The following WWOX variants were observed in gnomAD, a reference collection of about 807,000 sequenced individuals.
WWOX encodes WW domain containing oxidoreductase.
A neutral mutation model predicts 46.2 loss-of-function variants in WWOX; 69 were observed. The observed-to-expected ratio is 1.49, with a 90% CI of 1.23 to 1.82. The LOEUF (loss-of-function observed/expected upper bound fraction) is 1.82. Among genes scored for constraint, WWOX ranks in the 40% most tolerant of loss-of-function variants. The pLI is 0.00. For missense variants in WWOX, 919 were observed against 542.6 expected (o/e 1.69, Z -6.89); for synonymous variants, 359 against 202.6 (o/e 1.77, Z -6.56).
rs118098782 is a variant in WWOX, at chr16:79,011,683, A to G, written c.1057-199925A>G. Among the ~76,000 whole-genome samples the G allele has an allele frequency of 1.9e-3, 288 of 151,430 alleles. 5 individuals are homozygous for G. In the East Asian group the frequency reaches 0.054, roughly 28 times the overall value. On this transcript the variant is annotated intron_variant, in intron 8 of 8. Transcript: ENST00000566780. ...ATTTTTTTTGCATTTTTTAGAGATG[A>G]GTTTTTGCCGTGTTGCCGAGGCTGG...
chr16:78,368,239 G>A (rs2081586363), intron 5 of WWOX, among the ~76,000 whole-genome samples: 1 of 152,188 alleles, frequency 6.6e-6, no homozygotes, highest in Non-Finnish European at 1.5e-5. Context: ...CAATTAACAT[G>A]AGTGGAATGG....
intron 8 of WWOX, among the ~76,000 whole-genome samples, chr16:78,639,802 G>T (rs921332675): frequency 1.3e-5 from 2 of 152,116 alleles, no homozygotes; most frequent in African/African-American, 2.4e-5. Context: ...CTGACCTCAG[G>T]TGATCCACCT....
At chr16:78,894,626 G>A (rs2044661615) in intron 8 of WWOX, among the ~76,000 whole-genome samples, 1 of 152,132 alleles carries the variant, frequency 6.6e-6, no homozygotes, top group Admixed American at 6.6e-5. Context: ...TGTCGAGGGA[G>A]CAAGGTGGTA....
chr16:78,644,804 T>C (rs1208440468), intron 8 of WWOX, among the ~76,000 whole-genome samples: 1 of 152,190 alleles, frequency 6.6e-6, no homozygotes, highest in Non-Finnish European at 1.5e-5. Context: ...ATTTCGTGAC[T>C]ATTATGAGTC....
At chr16:79,064,458 A>C (rs2150554196) in intron 8 of WWOX, among the ~76,000 whole-genome samples, 1 of 152,294 alleles carries the variant, frequency 6.6e-6, no homozygotes, top group South Asian at 2.1e-4. Flanking sequence ...CACCTGCAGA[A>C]CCCATGCGTC....
intron 8 of WWOX, among the ~76,000 whole-genome samples, chr16:78,653,779 G>A (rs1432405701): frequency 3.3e-5 from 5 of 152,194 alleles, no homozygotes; most frequent in Admixed American, 3.3e-4. Flanking sequence ...TTAGTTTGGT[G>A]CAAAAGGAAT....
rs34551316 is a variant in WWOX, at chr16:78,106,421, G to GTT, written c.108-1985_108-1984dup. ...CAGAGAGTCAGAACGGTTTTTTTTT[G>GTT]TTTTTTTTTTTTTTTTTTGAGATGG... is the stretch of plus-strand genomic sequence containing the variant. On this transcript the variant is annotated intron_variant, in intron 1 of 8. Transcript: ENST00000566780. Among the ~76,000 whole-genome samples, 100 of 122,978 alleles carry GTT rather than the reference G, an allele frequency of 8.1e-4. 3 individuals carry two copies. The highest frequency in any genetic ancestry group is 4.2e-3 in the Middle Eastern group (1 of 238). The allele number at this position is 122,978 out of a possible 152,430, so 80.7% of individuals were successfully genotyped here. A position where few individuals can be genotyped will look rare whatever the true frequency, so the allele number is the denominator to read the frequency against.
chr16:78,395,996 G>C (rs751520750), intron 6 of WWOX, among the ~76,000 whole-genome samples: 2 of 152,104 alleles, frequency 1.3e-5, no homozygotes, highest in Non-Finnish European at 2.9e-5. Context: ...GCAAATACTA[G>C]GAATCCTTAA....
intron 5 of WWOX, among the ~76,000 whole-genome samples, chr16:78,286,801 G>C (rs867663121): frequency 7.1e-5 from 10 of 140,774 alleles, no homozygotes; most frequent in African/African-American, 2.7e-4. Context: ...GAGTATCATA[G>C]AAAAGTTAAA....
chr16:78,688,638 G>T (rs917792308), intron 8 of WWOX, among the ~76,000 whole-genome samples: 4 of 152,138 alleles, frequency 2.6e-5, no homozygotes, highest in African/African-American at 9.7e-5. Flanking sequence ...TCCCCCAAGG[G>T]ATAATTGATA....
At chr16:78,724,371 A>C (rs567999919) in intron 8 of WWOX, among the ~76,000 whole-genome samples, 1 of 152,302 alleles carries the variant, frequency 6.6e-6, no homozygotes, top group East Asian at 1.9e-4. Flanking sequence ...AACAACTCCT[A>C]AAATATTTTT....
chr16:78,548,533 A>G (rs1216835634), intron 8 of WWOX, among the ~76,000 whole-genome samples: 2 of 152,216 alleles, frequency 1.3e-5, no homozygotes, highest in Non-Finnish European at 1.5e-5. Context: ...ACAGTACATC[A>G]CTGCCTCATT....
intron 8 of WWOX, among the ~76,000 whole-genome samples, chr16:78,482,823 C>G (rs761540023): frequency 6.6e-6 from 1 of 152,150 alleles, no homozygotes; most frequent in Non-Finnish European, 1.5e-5. Context: ...TGGGAAGGAT[C>G]TATCTCACTC....
intron 5 of WWOX, among the ~76,000 whole-genome samples, chr16:78,184,485 G>A (rs2035633279): frequency 6.6e-6 from 1 of 152,030 alleles, no homozygotes; most frequent in Non-Finnish European, 1.5e-5. Context: ...ATTTATATGT[G>A]AAGGAAAATG....
intron 8 of WWOX, among the ~76,000 whole-genome samples, chr16:78,712,743 C>A (rs970208272): frequency 6.6e-6 from 1 of 151,996 alleles, no homozygotes; most frequent in African/African-American, 2.4e-5. Context: ...ACCGAAAAAT[C>A]TACAAGTGAA....
intron 8 of WWOX, among the ~76,000 whole-genome samples, chr16:79,065,677 C>A (rs1487158243): frequency 6.6e-6 from 1 of 152,196 alleles, no homozygotes; most frequent in Non-Finnish European, 1.5e-5. Context: ...CTAATCCTAA[C>A]CTTGTGGCCT....
chr16:79,030,061 C>CA (rs1259700495), intron 8 of WWOX, among the ~76,000 whole-genome samples: 1 of 151,404 alleles, frequency 6.6e-6, no homozygotes, highest in Non-Finnish European at 1.5e-5. Context: ...ATTGTATGAC[C>CA]AAAAAAAATA....
chr16:78,952,384 G>GT (rs11449740), intron 8 of WWOX, among the ~76,000 whole-genome samples: 34,826 of 141,596 alleles, frequency 0.25, 4,291 homozygotes, highest in Middle Eastern at 0.34. Flanking sequence ...TGTTTTTTGA[G>GT]TTTTTTTTTT....
chr16:78,702,518 G>A (rs781761955), intron 8 of WWOX, among the ~76,000 whole-genome samples: 1 of 151,850 alleles, frequency 6.6e-6, no homozygotes, highest in African/African-American at 2.4e-5. Flanking sequence ...AGGCACAGTG[G>A]CTCATGTCTG....
Sources: allele counts gnomAD v4.1 joint callset (sites outside exome capture counted in the v4.1 genomes callset), GRCh38; gene constraint gnomAD v4.1.1; transcripts MANE v1.5; gene names NCBI Gene and HGNC (gene_info 2026-07-23, HGNC 2026-07-21).